Variants in SORBS2 observed in about 807,000 individuals in gnomAD.
The protein encoded by SORBS2 is sorbin and SH3 domain-containing protein 2.
In SORBS2, 46 loss-of-function variants were observed where a neutral mutation model predicts 97.7. That is an observed-to-expected ratio of 0.47 (90% confidence interval 0.37 to 0.60). The LOEUF (loss-of-function observed/expected upper bound fraction) is 0.60, where lower values mean the gene tolerates loss of function less well. SORBS2 is among the 20% of genes least tolerant of loss of function. The pLI is 0.00. For synonymous variants in SORBS2, 476 were observed against 473.4 expected (o/e 1.01, Z -0.07); for missense variants, 1,316 against 1,282.3 (o/e 1.03, Z -0.40).
chr4:185,731,735 TCTCC>T (rs1313652017), intron 2 of SORBS2, among the ~76,000 whole-genome samples: 5 of 87,044 alleles, frequency 5.7e-5, no homozygotes, highest in Admixed American at 1.2e-4. Context: ...TGCCTGTCTC[TCTCC>T]CTCCCTCCCT....
intron 1 of SORBS2, among the ~76,000 whole-genome samples, chr4:185,912,941 C>T (rs2099256124): frequency 6.6e-6 from 1 of 152,152 alleles, no homozygotes; most frequent in Non-Finnish European, 1.5e-5. Context: ...CATTATTGTG[C>T]TGCATTAGTT....
chr4:185,684,884 A>G lies in SORBS2; in HGVS notation c.-197-6062T>C. The G allele has an allele frequency of 6.8e-7, 1 of 1,478,342 alleles. No homozygotes were observed. The highest frequency in any genetic ancestry group is 9.3e-7 in the Non-Finnish European group (1 of 1,080,760). The allele number at this position is 1,478,342 out of a possible 1,614,324, so 91.6% of individuals were successfully genotyped here. A position where few individuals can be genotyped will look rare whatever the true frequency, so the allele number is the denominator to read the frequency against. On this transcript the variant is annotated intron_variant, in intron 2 of 20. Coordinates refer to the SORBS2 transcript ENST00000284776. The surrounding 1 kb of genome is among the most constrained non-coding windows in gnomAD (Gnocchi z 4.2). ...AAATGATATAGCAGAGGCCAAGGCA[A>G]CGGGAAAAGCACGTGCAATATCATG...
At chr4:185,916,900 G>A (rs2099258444) in intron 1 of SORBS2, among the ~76,000 whole-genome samples, 1 of 152,194 alleles carries the variant, frequency 6.6e-6, no homozygotes, top group African/African-American at 2.4e-5. Context: ...GCTGACTCAT[G>A]GCTGGCAGCT....
chr4:185,897,725 C>T (rs1034715551), intron 1 of SORBS2, among the ~76,000 whole-genome samples: 3 of 152,114 alleles, frequency 2.0e-5, no homozygotes, highest in African/African-American at 4.8e-5. Flanking sequence ...CAAACCAGCA[C>T]GAGAGGGCGT....
At chr4:185,829,276 C>A (rs2099203795) in intron 1 of SORBS2, among the ~76,000 whole-genome samples, 1 of 152,094 alleles carries the variant, frequency 6.6e-6, no homozygotes, top group Non-Finnish European at 1.5e-5. Flanking sequence ...ATGTGGTTGG[C>A]AAATCAAGCT....
intron 2 of SORBS2, among the ~76,000 whole-genome samples, chr4:185,721,067 C>T (rs542924748): frequency 6.7e-6 from 1 of 148,940 alleles, no homozygotes; most frequent in Non-Finnish European, 1.5e-5. Flanking sequence ...TTCCTAACTC[C>T]TGCTTTCCCA....
chr4:185,949,752 A>T (rs11132367), intron 1 of SORBS2, among the ~76,000 whole-genome samples: 3 of 151,972 alleles, frequency 2.0e-5, no homozygotes, highest in Non-Finnish European at 1.5e-5. Context: ...AAACAAACAC[A>T]GTGTGAAATT....
At chr4:185,708,365 A>C (rs1208541445) in intron 2 of SORBS2, among the ~76,000 whole-genome samples, 1 of 152,232 alleles carries the variant, frequency 6.6e-6, no homozygotes, top group Non-Finnish European at 1.5e-5. Flanking sequence ...CAGGGAGCAC[A>C]ACCAGCGTTT....
In SORBS2 at chr4:185,734,095, G is replaced by C. The variant is rs1227859517; in HGVS notation, c.-198+41132C>G. 1 of 152,558 alleles carries C rather than the reference G, an allele frequency of 6.6e-6. No individual in the cohort carries two copies. The highest frequency in any genetic ancestry group is 2.1e-4 in the South Asian group (1 of 4,808). 9.5% of individuals were successfully genotyped at this position (152,558 alleles called of 1,614,324 possible). A position where few individuals can be genotyped will look rare whatever the true frequency, so the allele number is the denominator to read the frequency against. On this transcript the variant is annotated intron_variant, in intron 2 of 20. Coordinates refer to the SORBS2 transcript ENST00000284776. Reference sequence around the variant, plus strand: ...GCGGGCGGTTTCCCGTGAGGACAGCGTACCTTCTGAAGAAATGCACCCAGA... The same window carrying C: ...GCGGGCGGTTTCCCGTGAGGACAGCCTACCTTCTGAAGAAATGCACCCAGA...
chr4:185,662,330 T>A, intron 4 of SORBS2, 88 bp from the exon 8 acceptor site: 3 of 1,335,768 alleles, frequency 2.2e-6, no homozygotes, highest in Non-Finnish European at 3.1e-6. Context: ...AGACTTCCAA[T>A]CACATGAGAG....
At chr4:185,810,217 A>G (rs1052456909) in intron 1 of SORBS2, among the ~76,000 whole-genome samples, 1 of 152,240 alleles carries the variant, frequency 6.6e-6, no homozygotes, top group Non-Finnish European at 1.5e-5. Flanking sequence ...CTTAGTCTCT[A>G]TCTTTATATT....
At chr4:185,898,888 G>A (rs1579376392) in intron 1 of SORBS2, among the ~76,000 whole-genome samples, 1 of 152,288 alleles carries the variant, frequency 6.6e-6, no homozygotes, top group African/African-American at 2.4e-5. Flanking sequence ...ACACGATATT[G>A]TGGATGACGT....
chr4:185,871,960 A>C (rs1305255309), intron 1 of SORBS2, among the ~76,000 whole-genome samples: 2 of 152,234 alleles, frequency 1.3e-5, no homozygotes. Flanking sequence ...AGCAAACCAT[A>C]CAGACTTTCT....
At chr4:185,827,168 TCAC>T (rs1367057064) in intron 1 of SORBS2, among the ~76,000 whole-genome samples, 4 of 125,416 alleles carry the variant, frequency 3.2e-5, no homozygotes, top group Admixed American at 1.7e-4. Flanking sequence ...ATCACCATCA[TCAC>T]CATCATCAGA....
intron 1 of SORBS2, among the ~76,000 whole-genome samples, chr4:185,883,966 A>T (rs2099238106): frequency 6.6e-6 from 1 of 152,258 alleles, no homozygotes; most frequent in African/African-American, 2.4e-5. Context: ...GTATGATGTT[A>T]TCCATAAGAC....
intron 1 of SORBS2, among the ~76,000 whole-genome samples, chr4:185,858,925 C>A (rs1436851193): frequency 2.6e-5 from 4 of 152,160 alleles, no homozygotes; most frequent in Non-Finnish European, 5.9e-5. Flanking sequence ...TCTATTGATG[C>A]CTTGAAATTA....
chr4:185,687,233 G>A (rs1236977601), intron 2 of SORBS2, among the ~76,000 whole-genome samples: 6 of 152,030 alleles, frequency 3.9e-5, no homozygotes, highest in Non-Finnish European at 7.4e-5. Flanking sequence ...TCACTATGTT[G>A]CCCAGGCTTG....
intron 2 of SORBS2, among the ~76,000 whole-genome samples, chr4:185,754,451 C>T (rs897052890): frequency 1.3e-5 from 2 of 152,154 alleles, no homozygotes; most frequent in Non-Finnish European, 2.9e-5. Flanking sequence ...CAAACCTGCA[C>T]ATGTACCCCT....
intron 4 of SORBS2, 57 bp from the exon 14 acceptor site, chr4:185,639,092 C>A (rs1215995073): frequency 7.0e-7 from 1 of 1,427,164 alleles, no homozygotes. Flanking sequence ...TGGGCGGAAC[C>A]GCGAGGACAC....
Sources: gnomAD v4.1 joint callset for allele counts (sites outside exome capture counted in the v4.1 genomes callset) on GRCh38, gnomAD v4.1.1 for gene constraint, Gnocchi (gnomAD v3.1) non-coding constraint, MANE v1.5 for transcripts, NCBI Gene and HGNC (gene_info 2026-07-23, HGNC 2026-07-21) for gene names.